The following OCA2 variants were observed in gnomAD, a reference collection of about 807,000 sequenced individuals.
The protein encoded by OCA2 is OCA2 melanosomal transmembrane protein.
Under a neutral mutation model 100.2 loss-of-function variants are expected in OCA2, and 77 were observed. That is an observed-to-expected ratio of 0.77 (90% CI 0.64 to 0.93). OCA2 has a LOEUF of 0.93. OCA2 is among the 40% of genes least tolerant of loss of function. OCA2 has a pLI of 0.00. For missense variants in OCA2, 1,062 were observed against 1,089.1 expected, an observed-to-expected ratio of 0.98 and a Z score of 0.35; for synonymous variants, 432 against 439.2, an observed-to-expected ratio of 0.98 and a Z score of 0.21.
downstream of OCA2, among the ~76,000 whole-genome samples, chr15:27,752,750 G>A (rs571911967): frequency 9.1e-5 from 11 of 120,340 alleles, no homozygotes; most frequent in African/African-American, 3.5e-4. Flanking sequence ...CACGGCTCCC[G>A]TCCAGTCCCT....
chr15:27,737,408 C>G, the OCA2 span, among the ~76,000 whole-genome samples: 1 of 152,168 alleles, frequency 6.6e-6, no homozygotes, highest in South Asian at 2.1e-4. Flanking sequence ...CTGGACACAT[C>G]ATAAAACTGC....
intron 19 of OCA2, among the ~76,000 whole-genome samples, chr15:27,874,911 G>A (rs80151133): frequency 0.016 from 2,393 of 152,174 alleles, 57 homozygotes; most frequent in African/African-American, 0.051. Context: ...AAATGTAAAT[G>A]CAATCAAAAT....
rs144377742 is a variant in OCA2, at chr15:27,992,103, C to T, written c.1045-1456G>A. On this transcript the variant is annotated intron_variant, in intron 9 of 23. Transcript: ENST00000354638. The stretch of plus-strand genomic sequence containing the variant: ...TCTGCTTTTCAGTCTTAGTTTAGGA[C>T]GCTTTTTTTTTTTTTGAGACGGAGT... 6.6e-4 allele frequency among the ~76,000 whole-genome samples: 70 copies of T among 106,138 alleles called. 1 individual carries two copies. The East Asian group carries it at 0.015, about 23-fold the overall frequency. The allele number at this position is 106,138 out of a possible 152,430, so 69.6% of individuals were successfully genotyped here.
intron 9 of OCA2, among the ~76,000 whole-genome samples, chr15:28,013,969 T>C (rs1343549338): frequency 6.6e-6 from 1 of 152,096 alleles, no homozygotes; most frequent in Non-Finnish European, 1.5e-5. Flanking sequence ...GGGTCATCAT[T>C]CCTCAGCAAG....
At chr15:27,983,877 C>T (rs541188299) in intron 13 of OCA2, among the ~76,000 whole-genome samples, 1 of 152,020 alleles carries the variant, frequency 6.6e-6, no homozygotes, top group East Asian at 1.9e-4. Context: ...GCCCCTTTCC[C>T]ACCTCCCCCT....
chr15:27,972,113 C>T (rs11637338), intron 14 of OCA2, among the ~76,000 whole-genome samples: 77,376 of 152,048 alleles, frequency 0.51, 24,234 homozygotes, highest in Non-Finnish European at 0.72. Context: ...AGAATAATGG[C>T]CTCCAGTTCC....
chr15:27,738,880 C>T, the OCA2 span, among the ~76,000 whole-genome samples: 2 of 152,174 alleles, frequency 1.3e-5, no homozygotes, highest in Non-Finnish European at 1.5e-5. Context: ...TGTACATCTA[C>T]ACAAATGTTT....
chr15:28,037,093 G>A (rs956891968), intron 2 of OCA2, among the ~76,000 whole-genome samples: 1 of 152,120 alleles, frequency 6.6e-6, no homozygotes, highest in Non-Finnish European at 1.5e-5. Flanking sequence ...GAGCAGGCAG[G>A]AAGGTCGAGA....
intron 19 of OCA2, among the ~76,000 whole-genome samples, chr15:27,875,697 A>G (rs543047001): frequency 6.6e-6 from 1 of 152,154 alleles, no homozygotes; most frequent in Non-Finnish European, 1.5e-5. Context: ...TCTTTTCAAA[A>G]TATCTCGGTA....
chr15:27,977,383 C>A (rs1567182278), intron 14 of OCA2, among the ~76,000 whole-genome samples: 1 of 152,070 alleles, frequency 6.6e-6, no homozygotes. Context: ...CTTCTAAATA[C>A]TGCTTTAGAG....
chr15:28,022,551 T>C lies in OCA2; in HGVS notation c.596A>G (p.Asp199Gly), dbSNP rs1365641768. 1.9e-6 allele frequency: 3 copies of C among 1,614,010 alleles called. No homozygotes were observed. In the South Asian group the frequency reaches 3.3e-5, roughly 18 times the overall value. ...CAACAGCTGCCAGAGCTTTCCTTGA[T>C]CCGGATATAGGCTGAACAAAATCTG... ...LCSILFSLYP[D>G]QGKLWQLLAL... is the part of the protein sequence containing the mutation. Residue 199 changes from aspartate (D) to glycine (G), a missense_variant, in exon 6 of 24, where the codon GAT becomes GGT. Physicochemically the swap from Asp to Gly is moderately conservative, Grantham distance 94. Coordinates refer to ENST00000354638, the MANE Select transcript of OCA2 (RefSeq NM_000275.3).
Position 27,957,761 on chromosome 15 carries a change from G to C in OCA2, c.1637-26C>G. ...CTGCAGAGAAAGGAAGGCGAAGCTT[G>C]GGTCTCCCATGACCTCAGATATCAG... On this transcript the variant is annotated intron_variant, in intron 15 of 23. Coordinates refer to ENST00000354638, the MANE Select transcript of OCA2 (RefSeq NM_000275.3). The surrounding 1 kb of genome is among the most constrained non-coding windows in gnomAD (Gnocchi z 4.3). 1.2e-6 allele frequency: 2 copies of C among 1,612,878 alleles called. No individual in the cohort carries two copies. Among genetic ancestry groups the C allele is most frequent in the Non-Finnish European group, 1.7e-6 (2 of 1,179,968 alleles).
Position 27,892,551 on chromosome 15 carries a change from A to C in OCA2, c.2080-20629T>G, listed in dbSNP as rs528122673. Among the ~76,000 whole-genome samples, 15 of 152,252 alleles carry C rather than the reference A, an allele frequency of 9.9e-5. No homozygotes were observed. The East Asian group carries it at 2.5e-3, about 25-fold the overall frequency. On this transcript the variant is annotated intron_variant, in intron 19 of 23. Coordinates refer to ENST00000354638, the MANE Select transcript of OCA2 (RefSeq NM_000275.3). ...CAACACATAGAAACATATAGGGTGC[A>C]ACCGAAATATAACTGTGACAAAACT... is the stretch of plus-strand genomic sequence containing the variant.
At chr15:27,902,605 C>T (rs912813872) in intron 19 of OCA2, among the ~76,000 whole-genome samples, 1 of 152,172 alleles carries the variant, frequency 6.6e-6, no homozygotes, top group Non-Finnish European at 1.5e-5. Context: ...GTTCCCAGGA[C>T]ACGCAGGGGC....
intron 14 of OCA2, among the ~76,000 whole-genome samples, chr15:27,981,317 T>C (rs2041153821): frequency 6.6e-6 from 1 of 152,234 alleles, no homozygotes; most frequent in African/African-American, 2.4e-5. Flanking sequence ...TTCAAATGGT[T>C]TGTATCATCG....
chr15:27,736,025 T>C, the OCA2 span, among the ~76,000 whole-genome samples: 3 of 152,210 alleles, frequency 2.0e-5, no homozygotes, highest in East Asian at 1.9e-4. Flanking sequence ...GTAATACATA[T>C]GGTAATTAGT....
intron 23 of OCA2, among the ~76,000 whole-genome samples, chr15:27,779,817 G>A (rs2032442603): frequency 1.3e-5 from 2 of 152,082 alleles, no homozygotes; most frequent in Non-Finnish European, 2.9e-5. Flanking sequence ...ACTGTTTTCT[G>A]TTTGTCTTAT....
chr15:28,082,023 A>C, intron 1 of OCA2, 128 bp from the exon 2 acceptor site: 1 of 753,374 alleles, frequency 1.3e-6, no homozygotes, highest in African/African-American at 1.7e-5. Context: ...CATCCTAACC[A>C]CGCAAGAGCA....
At chr15:28,046,313 C>G (rs181305273) in intron 2 of OCA2, among the ~76,000 whole-genome samples, 1 of 151,282 alleles carries the variant, frequency 6.6e-6, no homozygotes, top group Non-Finnish European at 1.5e-5. Flanking sequence ...GGAAAACACA[C>G]GTGCAGTATG....
Sources: allele counts gnomAD v4.1 joint callset (sites outside exome capture counted in the v4.1 genomes callset), GRCh38; gene constraint gnomAD v4.1.1; non-coding constraint Gnocchi (gnomAD v3.1); transcripts MANE v1.5; gene names NCBI Gene and HGNC (gene_info 2026-07-23, HGNC 2026-07-21).